The following CCDC178 variants were observed in gnomAD, a reference collection of about 807,000 sequenced individuals.
CCDC178 encodes the protein coiled-coil domain containing 178, also known as coiled-coil domain-containing protein 178.
CCDC178 carries 126 observed loss-of-function variants against 117.4 expected under a neutral mutation model. The ratio of observed to expected loss-of-function variants is 1.07; its 90% CI spans 0.93 to 1.24. The LOEUF (loss-of-function observed/expected upper bound fraction) is 1.24. CCDC178 is among the 50% of genes most tolerant of loss of function. The probability of loss-of-function intolerance (pLI) is 0.00; values close to 1 mark genes in which losing one functional copy is unlikely to be tolerated. For missense variants in CCDC178, 1,030 were observed against 986.9 expected (o/e 1.04, Z -0.59); for synonymous variants, 283 against 313.4 (o/e 0.90, Z 1.02).
At chr18:33,287,503 G>A (rs919231118) in intron 12 of CCDC178, among the ~76,000 whole-genome samples, 1 of 152,120 alleles carries the variant, frequency 6.6e-6, no homozygotes, top group African/African-American at 2.4e-5. Context: ...TTGTGGCCAG[G>A]TGTGGTGGCT....
At chr18:33,369,764 T>C (rs2063270910) in intron 6 of CCDC178, among the ~76,000 whole-genome samples, 1 of 152,100 alleles carries the variant, frequency 6.6e-6, no homozygotes, top group Non-Finnish European at 1.5e-5. Context: ...CTTAATTTAC[T>C]AGTGAAGTTG....
intron 20 of CCDC178, among the ~76,000 whole-genome samples, chr18:33,142,033 C>T (rs954736218): frequency 6.6e-6 from 1 of 152,120 alleles, no homozygotes; most frequent in Admixed American, 6.5e-5. Context: ...TATATAACAA[C>T]AAACAAATAA....
At chr18:33,334,871 G>T (rs2062719325) in intron 9 of CCDC178, among the ~76,000 whole-genome samples, 2 of 151,906 alleles carry the variant, frequency 1.3e-5, no homozygotes, top group African/African-American at 2.4e-5. Context: ...TGAATATTTT[G>T]ATTATCTATT....
chr18:33,354,827 C>T (rs1306981859), intron 7 of CCDC178, among the ~76,000 whole-genome samples: 1 of 152,218 alleles, frequency 6.6e-6, no homozygotes, highest in South Asian at 2.1e-4. Context: ...ATTGGCCAGG[C>T]TGGTCTTGAA....
chr18:32,973,961 G>T (rs1452178926), intron 22 of CCDC178, among the ~76,000 whole-genome samples: 2 of 151,866 alleles, frequency 1.3e-5, no homozygotes, highest in Non-Finnish European at 2.9e-5. Flanking sequence ...ATTTAATGTG[G>T]GTTTCTAAAA....
intron 20 of CCDC178, among the ~76,000 whole-genome samples, chr18:33,206,661 A>T (rs1490763109): frequency 6.6e-6 from 1 of 152,136 alleles, no homozygotes; most frequent in African/African-American, 2.4e-5. Context: ...CACTGATCAC[A>T]CAAAACGGAA....
intron 5 of CCDC178, among the ~76,000 whole-genome samples, chr18:33,374,395 C>T (rs1033952825): frequency 3.3e-5 from 5 of 152,114 alleles, no homozygotes; most frequent in Admixed American, 6.6e-5. Flanking sequence ...CATCATTAGT[C>T]ATAGTCATCA....
intron 2 of CCDC178, among the ~76,000 whole-genome samples, chr18:33,432,912 T>C (rs1158052063): frequency 6.6e-6 from 1 of 152,184 alleles, no homozygotes; most frequent in Non-Finnish European, 1.5e-5. Context: ...AATATGATCT[T>C]TAAGAGGTTT....
chr18:33,038,000 C>T (rs2056476356), intron 21 of CCDC178, among the ~76,000 whole-genome samples: 1 of 151,808 alleles, frequency 6.6e-6, no homozygotes, highest in South Asian at 2.1e-4. Flanking sequence ...CTTGGGGAGC[C>T]ACTGTGGCAC....
chr18:33,304,815 T>C (rs1034483173), intron 11 of CCDC178, among the ~76,000 whole-genome samples: 2 of 152,144 alleles, frequency 1.3e-5, no homozygotes, highest in African/African-American at 4.8e-5. Context: ...TTCACAGTCC[T>C]CATGATAACA....
chr18:33,429,949 T>C (rs1306041132), intron 2 of CCDC178, among the ~76,000 whole-genome samples: 1 of 152,212 alleles, frequency 6.6e-6, no homozygotes, highest in African/African-American at 2.4e-5. Context: ...TTATAGTCTC[T>C]TCCACCTAAA....
At chr18:33,297,210 T>C (rs1198282991) in intron 11 of CCDC178, among the ~76,000 whole-genome samples, 1 of 152,124 alleles carries the variant, frequency 6.6e-6, no homozygotes, top group Non-Finnish European at 1.5e-5. Flanking sequence ...AGCAAGTTTA[T>C]AGCAGTAAAT....
chr18:33,194,918 A>G (rs1193246861), intron 20 of CCDC178, among the ~76,000 whole-genome samples: 103 of 144,306 alleles, frequency 7.1e-4, no homozygotes, highest in South Asian at 8.6e-4. Context: ...AAAAAAAAAA[A>G]AGAGAGAGAG....
intron 22 of CCDC178, among the ~76,000 whole-genome samples, chr18:32,964,511 A>ATG (rs896224474): frequency 6.6e-6 from 1 of 151,988 alleles, no homozygotes; most frequent in African/African-American, 2.4e-5. Context: ...TTTTGGCAAA[A>ATG]TGTTGAATTT....
intron 5 of CCDC178, among the ~76,000 whole-genome samples, chr18:33,379,615 C>T (rs2063414192): frequency 1.3e-5 from 2 of 152,034 alleles, no homozygotes; most frequent in African/African-American, 4.8e-5. Flanking sequence ...AGAGGTGTGC[C>T]TAGACAGGGA....
intron 20 of CCDC178, among the ~76,000 whole-genome samples, chr18:33,210,669 T>C (rs1386802100): frequency 1.3e-5 from 2 of 152,126 alleles, no homozygotes; most frequent in East Asian, 1.9e-4. Flanking sequence ...CCTTCTTGCT[T>C]TGAGAGGTGC....
At chr18:33,314,200 C>CAAAAAAAAAAAA (rs869127341) in intron 11 of CCDC178, among the ~76,000 whole-genome samples, 6 of 62,426 alleles carry the variant, frequency 9.6e-5, no homozygotes, top group African/African-American at 2.6e-4. Context: ...GACTCCGTCT[C>CAAAAAAAAAAAA]AAAAAAAAAA....
At position 33,094,288 on chromosome 18, in the gene CCDC178, T is replaced by C. The variant is rs550668435; in HGVS notation, c.2239-1378A>G. Among the ~76,000 whole-genome samples the C allele has an allele frequency of 4.6e-5, 7 of 152,164 alleles. No individual in the cohort carries two copies. The East Asian group carries it at 7.7e-4, about 17-fold the overall frequency. ...ATCTATAAACTTGCCTAAAATCACA[T>C]TGAATTATTTTTTGTTACGAGGACA... On this transcript the variant is annotated intron_variant, in intron 20 of 22. Transcript: ENST00000383096.
rs550597057 is a variant in CCDC178 at position 33,229,525 on chromosome 18, T to G, written c.1594-2670A>C. Among the ~76,000 whole-genome samples, 12 of 152,308 alleles carry G rather than the reference T, an allele frequency of 7.9e-5. No homozygotes were observed. The South Asian group carries it at 2.5e-3, about 32-fold the overall frequency. On this transcript the variant is annotated intron_variant, in intron 15 of 22. Coordinates refer to ENST00000383096, the MANE Select transcript of CCDC178 (RefSeq NM_001105528.4). ...AATGAAATCTATAAAATAGTTATGA[T>G]TGTCCCTTTTGCACATAGGAAAACT...
Sources: allele counts gnomAD v4.1 joint callset (sites outside exome capture counted in the v4.1 genomes callset), GRCh38; gene constraint gnomAD v4.1.1; transcripts MANE v1.5; gene names NCBI Gene and HGNC (gene_info 2026-07-23, HGNC 2026-07-21).